Variants in GPR160 observed in about 807,000 individuals in gnomAD.
GPR160 encodes the protein probable G protein-coupled receptor 160.
GPR160 carries 2 observed loss-of-function variants against 2.6 expected under a neutral mutation model. The observed-to-expected ratio is 0.77, with a 90% CI of 0.32 to 2.44. The LOEUF (loss-of-function observed/expected upper bound fraction) is 2.44. GPR160 is among the 30% of genes most tolerant of loss of function. GPR160 has a pLI of 0.11. For synonymous variants in GPR160, 130 were observed against 132.2 expected (o/e 0.98, Z 0.12); for missense variants, 351 against 383.6 (o/e 0.91, Z 0.71).
chr3:170,054,446 G>T (rs551143001), intron 2 of GPR160, among the ~76,000 whole-genome samples: 27 of 152,230 alleles, frequency 1.8e-4, no homozygotes, highest in African/African-American at 6.5e-4. Flanking sequence ...AGCTGCTCAG[G>T]TCAAATCATT....
chr3:170,047,284 C>T (rs1250026855), intron 2 of GPR160, among the ~76,000 whole-genome samples: 2 of 152,152 alleles, frequency 1.3e-5, no homozygotes, highest in South Asian at 2.1e-4. Flanking sequence ...TCCTGTTCAC[C>T]GCAAGGTTTT....
Position 170,085,021 on chromosome 3 carries a change from GATC to G in GPR160, c.*35_*37del, listed in dbSNP as rs757277885. 53 of 1,167,246 alleles carry G rather than the reference GATC, an allele frequency of 4.5e-5. 1 individual carries two copies. The highest frequency in any genetic ancestry group is 2.5e-5 in the Non-Finnish European group (21 of 841,272). 72.3% of individuals were successfully genotyped at this position (1,167,246 alleles called of 1,614,324 possible). A position where few individuals can be genotyped will look rare whatever the true frequency, so the allele number is the denominator to read the frequency against. On this transcript the variant is annotated 3_prime_UTR_variant, in exon 4 of 4. Coordinates refer to ENST00000355897, the MANE Select transcript of GPR160 (RefSeq NM_014373.3). ...TAATTAAAAGTTACAGCTGTCATAAGATCATAATTTTATGAACAGAAAGAACTC... is the reference window on the plus strand; with the variant it reads ...TAATTAAAAGTTACAGCTGTCATAAGATAATTTTATGAACAGAAAGAACTC...
intron 3 of GPR160, among the ~76,000 whole-genome samples, chr3:170,080,487 T>C (rs917256682): frequency 1.3e-5 from 2 of 152,212 alleles, no homozygotes; most frequent in East Asian, 1.9e-4. Flanking sequence ...CTTGTCTTCT[T>C]TATTCCAGTC....
chr3:170,069,532 A>G (rs1576907795), intron 2 of GPR160, among the ~76,000 whole-genome samples: 1 of 152,098 alleles, frequency 6.6e-6, no homozygotes, highest in Non-Finnish European at 1.5e-5. Flanking sequence ...TCACTCATTT[A>G]CCGTCCATCT....
At chr3:170,055,936 A>T (rs1711622965) in intron 2 of GPR160, among the ~76,000 whole-genome samples, 1 of 152,228 alleles carries the variant, frequency 6.6e-6, no homozygotes, top group Non-Finnish European at 1.5e-5. Context: ...GCCCGGCCTT[A>T]AAAACTCTTT....
chr3:170,062,009 A>G (rs1394015127), intron 2 of GPR160, among the ~76,000 whole-genome samples: 4 of 142,924 alleles, frequency 2.8e-5, no homozygotes, highest in Non-Finnish European at 6.2e-5. Flanking sequence ...ATAAATAAAA[A>G]TTAAATTCCA....
intron 2 of GPR160, among the ~76,000 whole-genome samples, chr3:170,039,885 C>A (rs1480552163): frequency 6.6e-6 from 1 of 152,134 alleles, no homozygotes; most frequent in Non-Finnish European, 1.5e-5. Flanking sequence ...GGATTTGCTT[C>A]AGAATTATTC....
At chr3:170,069,467 ATG>A (rs1712488704) in intron 2 of GPR160, among the ~76,000 whole-genome samples, 3 of 152,298 alleles carry the variant, frequency 2.0e-5, no homozygotes, top group South Asian at 4.1e-4. Context: ...CTGAGGGTCT[ATG>A]TGAATAGCAG....
chr3:170,059,893 C>T (rs935717909), intron 2 of GPR160, among the ~76,000 whole-genome samples: 1 of 151,980 alleles, frequency 6.6e-6, no homozygotes, highest in African/African-American at 2.4e-5. Context: ...CATGTGTCCA[C>T]GTGGGAACCA....
intron 2 of GPR160, among the ~76,000 whole-genome samples, chr3:170,052,145 C>G (rs1197956196): frequency 6.6e-6 from 1 of 152,216 alleles, no homozygotes; most frequent in Non-Finnish European, 1.5e-5. Flanking sequence ...AGGTTGATCT[C>G]GAACTCCTGA....
intron 2 of GPR160, among the ~76,000 whole-genome samples, chr3:170,039,863 A>C (rs1411408534): frequency 1.3e-5 from 2 of 152,222 alleles, no homozygotes; most frequent in African/African-American, 4.8e-5. Flanking sequence ...CTGAAGTTGA[A>C]ATACAGCTTT....
chr3:170,075,922 A>G (rs1712827949), intron 2 of GPR160, among the ~76,000 whole-genome samples: 1 of 152,166 alleles, frequency 6.6e-6, no homozygotes, highest in South Asian at 2.1e-4. Context: ...CTGGCAGATC[A>G]CTGATAATTC....
intron 2 of GPR160, among the ~76,000 whole-genome samples, chr3:170,052,659 G>A (rs1717008936): frequency 6.6e-6 from 1 of 152,260 alleles, no homozygotes. Flanking sequence ...AGATAGATGT[G>A]TTGTAAGCAT....
At chr3:170,044,852 A>G (rs1362850343) in intron 2 of GPR160, among the ~76,000 whole-genome samples, 2 of 152,118 alleles carry the variant, frequency 1.3e-5, no homozygotes, top group Non-Finnish European at 2.9e-5. Flanking sequence ...GCTTAGGCAC[A>G]GCCCCCCAAG....
At chr3:170,064,674 G>T (rs1660847351) in intron 2 of GPR160, among the ~76,000 whole-genome samples, 1 of 151,614 alleles carries the variant, frequency 6.6e-6, no homozygotes, top group South Asian at 2.1e-4. Flanking sequence ...ACATGCCACC[G>T]CGCCTGGCTA....
intron 2 of GPR160, among the ~76,000 whole-genome samples, chr3:170,045,286 C>G (rs974954329): frequency 4.0e-5 from 6 of 151,356 alleles, no homozygotes; most frequent in Non-Finnish European, 5.9e-5. Context: ...GAGTTCAGGC[C>G]GAGCATGGTG....
chr3:170,085,166 A>AAAAC lies in GPR160; in HGVS notation c.*181_*184dup. ...AGTTATTAAATAGTGTTTTATTTTA[A>AAAAC]AAACAAAATAATTCCAAGAAGTTTT... On this transcript the variant is annotated 3_prime_UTR_variant, in exon 4 of 4. Transcript: ENST00000355897. 2.5e-6 allele frequency: 1 copy of AAAAC among 406,644 alleles called. No homozygotes were observed. The highest frequency in any genetic ancestry group is 4.5e-6 in the Non-Finnish European group (1 of 222,432). The allele number at this position is 406,644 out of a possible 1,614,324, so 25.2% of individuals were successfully genotyped here.
intron 2 of GPR160, chr3:170,057,274 C>G (rs140610063): frequency 6.6e-6 from 1 of 152,158 alleles, no homozygotes; most frequent in Non-Finnish European, 1.5e-5. Context: ...CAACCAGAAA[C>G]TCAGGTTTTT....
At chr3:170,082,131 A>G (rs1326330954) in intron 3 of GPR160, among the ~76,000 whole-genome samples, 1 of 152,216 alleles carries the variant, frequency 6.6e-6, no homozygotes, top group African/African-American at 2.4e-5. Flanking sequence ...TGGGAAAAAG[A>G]AAGTATACTA....
Sources: allele counts gnomAD v4.1 joint callset (sites outside exome capture counted in the v4.1 genomes callset), GRCh38; gene constraint gnomAD v4.1.1; transcripts MANE v1.5; gene names NCBI Gene and HGNC (gene_info 2026-07-23, HGNC 2026-07-21).